A2ML1: variants seen among roughly 807,000 people sequenced by gnomAD.
A2ML1 encodes alpha-2-macroglobulin-like protein 1.
Under a neutral mutation model 181.9 loss-of-function variants are expected in A2ML1, and 161 were observed. That is an observed-to-expected ratio of 0.89 (90% CI 0.78 to 1.01). The LOEUF is 1.01. A2ML1 is among the 50% of genes least tolerant of loss of function. A2ML1 has a pLI of 0.00. For missense variants in A2ML1, 1,670 were observed against 1,768.1 expected, an observed-to-expected ratio of 0.94 and a Z score of 1.00; for synonymous variants, 663 against 666.8, an observed-to-expected ratio of 0.99 and a Z score of 0.09.
In A2ML1 at chr12:8,841,360, G is replaced by C; in HGVS notation, c.1081-9G>C. 6.2e-7 allele frequency: 1 copy of C among 1,612,968 alleles called. No homozygotes were observed. Among genetic ancestry groups the C allele is most frequent in the Non-Finnish European group, 8.5e-7 (1 of 1,179,494 alleles). ...CTAATTCTAATCCGTAATGATCTTTGTCCTTCAGATAAGAGTTAGGGGCCA... is the reference window on the plus strand; with the variant it reads ...CTAATTCTAATCCGTAATGATCTTTCTCCTTCAGATAAGAGTTAGGGGCCA... On this transcript the variant is annotated splice_polypyrimidine_tract_variant and intron_variant, in intron 10 of 35. Transcript: ENST00000299698.
intron 5 of A2ML1, chr12:8,835,002 C>A (rs1232191228): frequency 2.6e-6 from 1 of 382,370 alleles, no homozygotes; most frequent in East Asian, 4.6e-5. Flanking sequence ...AAGGTAATAG[C>A]CCTTGCCATA....
At chr12:8,862,825 TA>T (rs1365626268) in intron 28 of A2ML1, among the ~76,000 whole-genome samples, 1 of 152,122 alleles carries the variant, frequency 6.6e-6, no homozygotes, top group African/African-American at 2.4e-5. Context: ...CGTTTCCTGT[TA>T]CGTTCTTCCA....
At chr12:8,872,189 A>T (rs996836466) in intron 33 of A2ML1, among the ~76,000 whole-genome samples, 10 of 67,638 alleles carry the variant, frequency 1.5e-4, no homozygotes, top group African/African-American at 6.0e-4. Flanking sequence ...AGAAAAAAGA[A>T]AAAAAAAAAA....
intron 12 of A2ML1, 122 bp downstream of exon 12, chr12:8,843,483 T>C: frequency 2.4e-6 from 2 of 835,938 alleles, no homozygotes; most frequent in Middle Eastern, 2.4e-4. Flanking sequence ...AAAAACAATT[T>C]TAAAGCCACA....
At chr12:8,835,334 C>T (rs962603785) in intron 5 of A2ML1, among the ~76,000 whole-genome samples, 173 bp from the exon 6 acceptor site, 2 of 152,210 alleles carry the variant, frequency 1.3e-5, no homozygotes, top group Non-Finnish European at 2.9e-5. Context: ...CCTCATTCCG[C>T]CATAAAGAAA....
At chr12:8,841,570 G>C in intron 11 of A2ML1, 34 bp downstream of exon 11, 2 of 1,580,242 alleles carry the variant, frequency 1.3e-6, no homozygotes, top group Non-Finnish European at 1.7e-6. Flanking sequence ...TTCCTAGAAA[G>C]GAAGGCTTCC....
chr12:8,847,163 G>A (rs1270462310), intron 14 of A2ML1, among the ~76,000 whole-genome samples: 1 of 122,964 alleles, frequency 8.1e-6, no homozygotes, highest in Non-Finnish European at 1.6e-5. Flanking sequence ...TAGCCAGGCT[G>A]GTCTTGAACT....
chr12:8,842,443 T>C (rs7974976), intron 11 of A2ML1, among the ~76,000 whole-genome samples: 77,440 of 151,780 alleles, frequency 0.51, 20,645 homozygotes, highest in Middle Eastern at 0.73. Context: ...ATGGTCTCGA[T>C]CTCCTGACCT....
chr12:8,846,810 CAAAAA>C (rs199881026), intron 14 of A2ML1, among the ~76,000 whole-genome samples: 1 of 130,248 alleles, frequency 7.7e-6, no homozygotes. Flanking sequence ...GACTCTGTCT[CAAAAA>C]AAAAAAAAAA....
chr12:8,864,303 A>G (rs10219566), intron 29 of A2ML1, among the ~76,000 whole-genome samples: 12,981 of 18,758 alleles, frequency 0.69, 5,623 homozygotes, highest in South Asian at 1. Context: ...ACCTGAGGTC[A>G]GGAGTTCGAG....
chr12:8,882,169 G>A (rs12299332), intron 7 of A2ML1, among the ~76,000 whole-genome samples: 5,229 of 152,236 alleles, frequency 0.034, 322 homozygotes, highest in African/African-American at 0.12. Context: ...CAAGAGTGTT[G>A]AGGACTAGCT....
Position 8,823,104 on chromosome 12 carries a change from C to A in A2ML1, c.63-78C>A, listed in dbSNP as rs1021901213. The A allele has an allele frequency of 2.8e-6, 4 of 1,407,912 alleles. No homozygotes were observed. In the African/African-American group the frequency reaches 5.7e-5, roughly 20 times the overall value. 87.2% of individuals were successfully genotyped at this position (1,407,912 alleles called of 1,614,324 possible). A position where few individuals can be genotyped will look rare whatever the true frequency, so the allele number is the denominator to read the frequency against. ...GGTCTGTCTAATTCACTGCTACTTG[C>A]TGAGCGCTTAGGAGAGTGCTGGATT... On this transcript the variant is annotated intron_variant, in intron 1 of 35. Transcript: ENST00000299698.
intron 35 of A2ML1, 34 bp downstream of exon 35, chr12:8,875,046 G>T (rs1944758596): frequency 6.2e-7 from 1 of 1,608,828 alleles, no homozygotes; most frequent in Non-Finnish European, 8.5e-7. Flanking sequence ...GGAGTTATGG[G>T]TTAGGGTGGC....
At chr12:8,863,551 T>C (rs912500855) in intron 28 of A2ML1, among the ~76,000 whole-genome samples, 1 of 152,188 alleles carries the variant, frequency 6.6e-6, no homozygotes, top group Non-Finnish European at 1.5e-5. Flanking sequence ...ACAAGGGTGG[T>C]TTTCATGTAA....
chr12:8,874,508 C>G lies in A2ML1; in HGVS notation c.4305C>G (p.Val1435=), dbSNP rs1565497466. The G allele has an allele frequency of 1.2e-6, 2 of 1,613,802 alleles. No homozygotes were observed. The highest frequency in any genetic ancestry group is 1.6e-4 in the Middle Eastern group (1 of 6,062). The part of the protein sequence containing the change: ...VTNLKPATIK[V]YDYYLPDEQA... ...ACTTGAAACCAGCAACCATCAAGGT[C>G]TATGACTACTACCTACCAGGTGAGA... The change falls in exon 34 of 36, where the codon GTC becomes GTG. Residue 1435 remains valine (V), a synonymous_variant. Coordinates refer to ENST00000299698, the MANE Select transcript of A2ML1 (RefSeq NM_144670.6).
rs753536869 is a variant in A2ML1, at chr12:8,822,632, A to C, written c.-20A>C. The stretch of plus-strand genomic sequence containing the variant: ...CGATCTCTGCCCCTGACCCTGGAAA[A>C]ATCTGTCTCACCCACAAAGATGTGG... On this transcript the variant is annotated 5_prime_UTR_variant, in exon 1 of 36. Coordinates refer to ENST00000299698, the MANE Select transcript of A2ML1 (RefSeq NM_144670.6). The C allele has an allele frequency of 1.9e-6, 3 of 1,612,644 alleles. No homozygotes were observed. In the East Asian group the frequency reaches 6.7e-5, roughly 36 times the overall value.
intron 9 of A2ML1, 71 bp from the exon 10 acceptor site, chr12:8,839,042 G>A (rs928690777): frequency 1.9e-6 from 2 of 1,070,924 alleles, no homozygotes; most frequent in Admixed American, 4.8e-5. Flanking sequence ...TTCTCTCAGA[G>A]ACTTGACATT....
At chr12:8,884,568 A>C (rs1454021394) in intron 7 of A2ML1, among the ~76,000 whole-genome samples, 4 of 151,556 alleles carry the variant, frequency 2.6e-5, no homozygotes, top group Non-Finnish European at 5.9e-5. Context: ...ACGAAGTCTC[A>C]CTCTGTTGCC....
At chr12:8,853,600 A>T (rs767232464) in intron 20 of A2ML1, among the ~76,000 whole-genome samples, 4 of 152,152 alleles carry the variant, frequency 2.6e-5, no homozygotes, top group Non-Finnish European at 4.4e-5. Flanking sequence ...CTCATCCCAA[A>T]GTCTCTGATC....
Sources: gnomAD v4.1 joint callset for allele counts (sites outside exome capture counted in the v4.1 genomes callset) on GRCh38, gnomAD v4.1.1 for gene constraint, MANE v1.5 for transcripts, NCBI Gene and HGNC (gene_info 2026-07-23, HGNC 2026-07-21) for gene names.